The following CLSTN2 variants were observed in gnomAD, a reference collection of about 807,000 sequenced individuals.
CLSTN2 encodes calsyntenin 2.
CLSTN2 carries 48 observed loss-of-function variants against 101.2 expected under a neutral mutation model. The ratio of observed to expected loss-of-function variants is 0.47; its 90% confidence interval spans 0.38 to 0.60. The LOEUF is 0.60. Ranked by LOEUF, CLSTN2 falls within the 20% of genes least tolerant of loss-of-function variation. The pLI is 0.00. For synonymous variants in CLSTN2, 481 were observed against 463.6 expected (o/e 1.04, Z -0.48); for missense variants, 1,160 against 1,238.2 (o/e 0.94, Z 0.95).
Position 140,350,896 on chromosome 3 carries a change from A to G in CLSTN2, c.233-52733A>G, listed in dbSNP as rs575774390. ...TCACAAAACCCTGGACTCAACAGCA[A>G]TCCCTGCCCCTACCTGTCCTGTACA... On this transcript the variant is annotated intron_variant, in intron 2 of 16. Coordinates refer to ENST00000458420, the MANE Select transcript of CLSTN2 (RefSeq NM_022131.3). 2.0e-5 allele frequency among the ~76,000 whole-genome samples: 3 copies of G among 152,260 alleles called. No homozygotes were observed. In the East Asian group the frequency reaches 5.8e-4, roughly 29 times the overall value.
chr3:140,059,564 T>G (rs545658438), intron 1 of CLSTN2, among the ~76,000 whole-genome samples: 1 of 152,062 alleles, frequency 6.6e-6, no homozygotes, highest in African/African-American at 2.4e-5. Flanking sequence ...TGTCAAGCCC[T>G]CACTCAACCA....
At chr3:140,496,845 G>C (rs1934476673) in intron 8 of CLSTN2, among the ~76,000 whole-genome samples, 2 of 152,122 alleles carry the variant, frequency 1.3e-5, no homozygotes, top group South Asian at 4.1e-4. Context: ...GCTCACACCT[G>C]TAATCCCAGC....
At chr3:140,170,868 G>C (rs1348128886) in intron 1 of CLSTN2, among the ~76,000 whole-genome samples, 1 of 152,174 alleles carries the variant, frequency 6.6e-6, no homozygotes, top group Non-Finnish European at 1.5e-5. Context: ...GAAACTCTGA[G>C]AGGCCAGAGG....
intron 2 of CLSTN2, among the ~76,000 whole-genome samples, chr3:140,228,793 A>T (rs2086346237): frequency 6.6e-6 from 1 of 152,198 alleles, no homozygotes; most frequent in East Asian, 1.9e-4. Flanking sequence ...TCCTGTTTTT[A>T]AAACCATCAG....
chr3:140,395,846 T>C (rs1275926796), intron 2 of CLSTN2, among the ~76,000 whole-genome samples: 1 of 152,184 alleles, frequency 6.6e-6, no homozygotes, highest in Non-Finnish European at 1.5e-5. Context: ...CAGTGTTGAC[T>C]GTCTGCCAAC....
At chr3:140,137,643 C>A (rs560722527) in intron 1 of CLSTN2, among the ~76,000 whole-genome samples, 2 of 152,240 alleles carry the variant, frequency 1.3e-5, no homozygotes, top group East Asian at 3.9e-4. Flanking sequence ...ACTTACAAAT[C>A]ACAAAGAAAC....
chr3:140,316,006 AC>A lies in CLSTN2; in HGVS notation c.233-87620del, dbSNP rs371304189. Among the ~76,000 whole-genome samples the A allele has an allele frequency of 7.3e-4, 111 of 152,272 alleles. 2 individuals are homozygous for A. The East Asian group carries it at 0.017, about 24-fold the overall frequency. ...TGGACTTTCAGAAGATAGTGCATTT[AC>A]CCTTGTTCTAATTCTGAGGGAACTG... On this transcript the variant is annotated intron_variant, in intron 2 of 16. Coordinates refer to ENST00000458420, the MANE Select transcript of CLSTN2 (RefSeq NM_022131.3).
intron 2 of CLSTN2, among the ~76,000 whole-genome samples, chr3:140,372,145 C>T (rs1013204823): frequency 6.6e-6 from 1 of 152,148 alleles, no homozygotes; most frequent in African/African-American, 2.4e-5. Context: ...CTTGAACACT[C>T]ATGTCTTTCT....
At chr3:140,241,967 GCA>G (rs1019036753) in intron 2 of CLSTN2, among the ~76,000 whole-genome samples, 2 of 151,234 alleles carry the variant, frequency 1.3e-5, no homozygotes, top group African/African-American at 4.9e-5. Flanking sequence ...GAGTGCAATG[GCA>G]CAGTCTTGGC....
chr3:140,208,195 A>C (rs1345307775), intron 2 of CLSTN2, among the ~76,000 whole-genome samples: 1 of 152,178 alleles, frequency 6.6e-6, no homozygotes, highest in Non-Finnish European at 1.5e-5. Context: ...AACTCCAAAC[A>C]ATGCTAATAT....
chr3:139,965,456 T>A (rs9821356), intron 1 of CLSTN2, among the ~76,000 whole-genome samples: 42,251 of 152,082 alleles, frequency 0.28, 6,024 homozygotes, highest in African/African-American at 0.33. Context: ...TATTCTCCAC[T>A]TCTGGGGCCT....
At chr3:140,235,866 A>AT (rs2086412145) in intron 2 of CLSTN2, among the ~76,000 whole-genome samples, 1 of 152,172 alleles carries the variant, frequency 6.6e-6, no homozygotes, top group African/African-American at 2.4e-5. Context: ...AGATAAATAC[A>AT]TTGCTTAACA....
intron 1 of CLSTN2, among the ~76,000 whole-genome samples, chr3:140,138,697 C>G (rs746102298): frequency 6.6e-6 from 1 of 152,162 alleles, no homozygotes; most frequent in South Asian, 2.1e-4. Flanking sequence ...GAGTTACCCC[C>G]TACTCTCACC....
intron 8 of CLSTN2, among the ~76,000 whole-genome samples, chr3:140,529,558 A>G (rs906580308): frequency 6.6e-6 from 1 of 152,176 alleles, no homozygotes; most frequent in African/African-American, 2.4e-5. Context: ...TCATTTTTCA[A>G]TTACAGTTTG....
chr3:140,440,817 A>G (rs910163399), intron 5 of CLSTN2, among the ~76,000 whole-genome samples: 1 of 152,204 alleles, frequency 6.6e-6, no homozygotes, highest in Non-Finnish European at 1.5e-5. Flanking sequence ...GCTCAGAAAG[A>G]TTAAAGAATA....
At chr3:140,423,449 T>G (rs1456418414) in intron 5 of CLSTN2, among the ~76,000 whole-genome samples, 1 of 152,166 alleles carries the variant, frequency 6.6e-6, no homozygotes, top group Non-Finnish European at 1.5e-5. Context: ...GTTAAAAAAA[T>G]GTACCTTTCT....
intron 1 of CLSTN2, among the ~76,000 whole-genome samples, chr3:140,056,866 C>A (rs1423085607): frequency 6.6e-6 from 1 of 152,182 alleles, no homozygotes; most frequent in Admixed American, 6.5e-5. Context: ...TAAATGCTAT[C>A]ATTTTATGGA....
intron 2 of CLSTN2, among the ~76,000 whole-genome samples, chr3:140,265,445 A>G (rs2086687138): frequency 6.6e-6 from 1 of 151,848 alleles, no homozygotes; most frequent in Admixed American, 6.6e-5. Context: ...GACTACCCAG[A>G]CCCCCTGGAA....
At chr3:140,411,445 T>C (rs991655864) in intron 4 of CLSTN2, among the ~76,000 whole-genome samples, 1 of 152,188 alleles carries the variant, frequency 6.6e-6, no homozygotes, top group Non-Finnish European at 1.5e-5. Context: ...TGAACAAATC[T>C]GAAGGGAGAA....
Sources: gnomAD v4.1 joint callset for allele counts (sites outside exome capture counted in the v4.1 genomes callset) on GRCh38, gnomAD v4.1.1 for gene constraint, MANE v1.5 for transcripts, NCBI Gene and HGNC (gene_info 2026-07-23, HGNC 2026-07-21) for gene names.